Variants in TRIM36 observed in about 807,000 individuals in gnomAD.
TRIM36 encodes the protein tripartite motif containing 36.
A neutral mutation model predicts 72.4 loss-of-function variants in TRIM36; 42 were observed. The ratio of observed to expected loss-of-function variants is 0.58; its 90% CI spans 0.45 to 0.75. The LOEUF (loss-of-function observed/expected upper bound fraction) is 0.75, where lower values mean the gene tolerates loss of function less well. Among genes scored for constraint, TRIM36 ranks in the 30% least tolerant of loss-of-function variants. The pLI is 0.00. For missense variants in TRIM36, 913 were observed against 857.1 expected, an observed-to-expected ratio of 1.07 and a Z score of -0.81; for synonymous variants, 315 against 282.8, an observed-to-expected ratio of 1.11 and a Z score of -1.14.
At chr5:115,175,999 G>A (rs1375455711) in intron 1 of TRIM36, among the ~76,000 whole-genome samples, 1 of 152,006 alleles carries the variant, frequency 6.6e-6, no homozygotes, top group Non-Finnish European at 1.5e-5. Flanking sequence ...GGTGGCGTGT[G>A]CCTGTAGTCC....
At chr5:115,136,887 T>G in intron 7 of TRIM36, 113 bp downstream of exon 7, 1 of 1,070,810 alleles carries the variant, frequency 9.3e-7, no homozygotes, top group East Asian at 2.7e-5. Flanking sequence ...GTGATAGTCC[T>G]GGGCAAGTGA....
At chr5:115,177,509 G>T in intron 1 of TRIM36, 3 of 1,314,058 alleles carry the variant, frequency 2.3e-6, no homozygotes, top group Non-Finnish European at 2.9e-6. Context: ...ACCCCACAGA[G>T]GAAAATAAAG....
intron 3 of TRIM36, among the ~76,000 whole-genome samples, chr5:115,146,415 T>G (rs1338060949): frequency 6.6e-6 from 1 of 152,150 alleles, no homozygotes. Flanking sequence ...AACCATAGGT[T>G]TTTAAAATCT....
chr5:115,169,832 A>C lies in TRIM36; in HGVS notation c.-198T>G. ...GCAGGCAAAAGCACAGGCGCGGGAG[A>C]AGCGAGCTTTGCTCCCAGCGACTAC... On this transcript the variant is annotated 5_prime_UTR_variant, in exon 1 of 10. Transcript: ENST00000513154. The C allele has an allele frequency of 7.6e-7, 1 of 1,320,928 alleles. No homozygotes were observed. 81.8% of individuals were successfully genotyped at this position (1,320,928 alleles called of 1,614,324 possible). A position where few individuals can be genotyped will look rare whatever the true frequency, so the allele number is the denominator to read the frequency against.
At chr5:115,147,434 G>A (rs1356389386) in intron 2 of TRIM36, 40 bp from the exon 3 acceptor site, 1 of 1,573,054 alleles carries the variant, frequency 6.4e-7, no homozygotes, top group Admixed American at 1.7e-5. Flanking sequence ...ATAGCAGTAG[G>A]AAAATGATTA....
chr5:115,154,300 A>G (rs965665535), intron 2 of TRIM36, among the ~76,000 whole-genome samples: 7 of 151,862 alleles, frequency 4.6e-5, no homozygotes, highest in Non-Finnish European at 1.0e-4. Context: ...AACAAACCAA[A>G]CCCAAACCTA....
At chr5:115,134,625 CT>C (rs1305319710) in intron 7 of TRIM36, among the ~76,000 whole-genome samples, 1 of 152,076 alleles carries the variant, frequency 6.6e-6, no homozygotes, top group Non-Finnish European at 1.5e-5. Flanking sequence ...ACTCCAACCT[CT>C]GTCTCCCAGG....
intron 9 of TRIM36, 84 bp from the exon 10 acceptor site, chr5:115,126,941 T>C (rs1349776506): frequency 3.1e-6 from 4 of 1,297,140 alleles, no homozygotes; most frequent in South Asian, 3.1e-5. Context: ...TATACATTGA[T>C]GTAAAGTTAA....
intron 9 of TRIM36, 118 bp from the exon 10 acceptor site, chr5:115,126,975 T>C: frequency 2.9e-6 from 3 of 1,036,344 alleles, no homozygotes; most frequent in Non-Finnish European, 2.7e-6. Context: ...TCAAAAGCTT[T>C]CTATTAAAAC....
chr5:115,163,269 TTAA>T (rs1249498993), intron 2 of TRIM36, among the ~76,000 whole-genome samples: 7 of 152,164 alleles, frequency 4.6e-5, no homozygotes, highest in Non-Finnish European at 1.0e-4. Flanking sequence ...ACAAACACAG[TTAA>T]TAAGGAGTTT....
chr5:115,146,739 T>C (rs1001665834), intron 3 of TRIM36, among the ~76,000 whole-genome samples: 1 of 152,196 alleles, frequency 6.6e-6, no homozygotes, highest in Non-Finnish European at 1.5e-5. Context: ...ACAAAAAAGC[T>C]TTTTAACTTT....
chr5:115,164,508 G>A (rs767639522), intron 1 of TRIM36, among the ~76,000 whole-genome samples: 6 of 152,302 alleles, frequency 3.9e-5, no homozygotes, highest in South Asian at 4.1e-4. Flanking sequence ...TCTGTGTTAC[G>A]TGGTGGCAGG....
intron 3 of TRIM36, among the ~76,000 whole-genome samples, chr5:115,146,126 G>A (rs1237864600): frequency 6.6e-6 from 1 of 152,164 alleles, no homozygotes; most frequent in African/African-American, 2.4e-5. Flanking sequence ...CATTTAAAAT[G>A]AGGAACATAA....
intron 2 of TRIM36, 144 bp downstream of exon 2, chr5:115,163,374 C>T (rs1054905481): frequency 7.7e-6 from 5 of 653,056 alleles, no homozygotes; most frequent in African/African-American, 5.5e-5. Flanking sequence ...TGGGGGAGGC[C>T]CCTTTATAAC....
intron 2 of TRIM36, among the ~76,000 whole-genome samples, chr5:115,154,435 C>T (rs898817248): frequency 6.7e-6 from 1 of 149,984 alleles, no homozygotes; most frequent in Non-Finnish European, 1.5e-5. Context: ...AAAATTGATA[C>T]ACCATTAGCA....
chr5:115,179,536 G>C (rs1215362452), intron 1 of TRIM36, among the ~76,000 whole-genome samples: 1 of 152,212 alleles, frequency 6.6e-6, no homozygotes, highest in Non-Finnish European at 1.5e-5. Context: ...CGCACACTTC[G>C]AGCCTGTTCA....
Position 115,147,196 on chromosome 5 carries a change from T to A in TRIM36, c.461A>T (p.Glu154Val). The A allele has an allele frequency of 3.1e-6, 5 of 1,614,192 alleles. No individual in the cohort carries two copies. Among genetic ancestry groups the A allele is most frequent in the Non-Finnish European group, 4.2e-6 (5 of 1,180,028 alleles). Residue 154 changes from glutamate to valine, a missense_variant, in exon 3 of 10, where the codon GAA (glutamate) becomes GTA (valine). Physicochemically the swap from Glu to Val is moderately radical, Grantham distance 121. Coordinates refer to ENST00000513154, the MANE Select transcript of TRIM36 (RefSeq NM_001300759.2). ...MCDLCKPPPQ[E>V]STKSCMDCSA... Reference sequence around the variant, plus strand: ...ACAGTCCATGCAGCTTTTTGTGGATTCTTGAGGTGGTGGTTTACAAAGGTC... The same window carrying A: ...ACAGTCCATGCAGCTTTTTGTGGATACTTGAGGTGGTGGTTTACAAAGGTC...
intron 5 of TRIM36, 92 bp downstream of exon 5, chr5:115,141,187 C>T: frequency 2.2e-6 from 2 of 908,870 alleles, no homozygotes; most frequent in Non-Finnish European, 3.3e-6. Context: ...ATTCCCAGCT[C>T]ATATAATACT....
chr5:115,131,245 G>A (rs1752660496), intron 8 of TRIM36, among the ~76,000 whole-genome samples: 1 of 152,044 alleles, frequency 6.6e-6, no homozygotes, highest in African/African-American at 2.4e-5. Context: ...ATAAAGAGTT[G>A]TAAATTTTCA....
Sources: allele counts gnomAD v4.1 joint callset (sites outside exome capture counted in the v4.1 genomes callset), GRCh38; gene constraint gnomAD v4.1.1; transcripts MANE v1.5; gene names NCBI Gene and HGNC (gene_info 2026-07-23, HGNC 2026-07-21).